The following ITPR1 variants were observed in gnomAD, a reference collection of about 807,000 sequenced individuals.
The protein encoded by ITPR1 is inositol 1,4,5-trisphosphate-gated calcium channel ITPR1.
A neutral mutation model predicts 318.4 loss-of-function variants in ITPR1; 96 were observed. That is an observed-to-expected ratio of 0.30 (90% CI 0.26 to 0.36). The LOEUF (loss-of-function observed/expected upper bound fraction) is 0.36. Ranked by LOEUF, ITPR1 falls within the 10% of genes least tolerant of loss-of-function variation. ITPR1 has a pLI of 1.00. For synonymous variants in ITPR1, 1,312 were observed against 1,289.9 expected (o/e 1.02, Z -0.37); for missense variants, 2,440 against 3,460.2 (o/e 0.71, Z 7.40).
At chr3:4,719,098 T>G (rs1301413606) in intron 40 of ITPR1, among the ~76,000 whole-genome samples, 2 of 152,220 alleles carry the variant, frequency 1.3e-5, no homozygotes. Flanking sequence ...TTGGGTCTCC[T>G]GGCTGGGAGT....
intron 4 of ITPR1, among the ~76,000 whole-genome samples, chr3:4,523,280 G>GT (rs1286310013): frequency 1.3e-5 from 2 of 151,942 alleles, no homozygotes; most frequent in Non-Finnish European, 2.9e-5. Flanking sequence ...GTGGCTATTT[G>GT]TTTTTTACAA....
intron 2 of ITPR1, among the ~76,000 whole-genome samples, chr3:4,502,066 C>T (rs1331342165): frequency 1.3e-5 from 2 of 152,170 alleles, no homozygotes; most frequent in Non-Finnish European, 2.9e-5. Context: ...TAAAAGCATC[C>T]CAAGCACATA....
chr3:4,785,649 G>T (rs1461061746), intron 51 of ITPR1, among the ~76,000 whole-genome samples: 1 of 152,224 alleles, frequency 6.6e-6, no homozygotes, highest in Non-Finnish European at 1.5e-5. Context: ...GCGAGCTTTA[G>T]ATGTCTGTGA....
At chr3:4,526,849 A>T (rs1188333269) in intron 4 of ITPR1, among the ~76,000 whole-genome samples, 1 of 152,336 alleles carries the variant, frequency 6.6e-6, no homozygotes. Flanking sequence ...AGACATTCTC[A>T]AAGAAGTCTA....
intron 42 of ITPR1, among the ~76,000 whole-genome samples, chr3:4,732,761 T>G (rs573081766): frequency 5.9e-4 from 90 of 152,346 alleles, no homozygotes; most frequent in African/African-American, 2.2e-3. Context: ...GCCTTTTCAA[T>G]TTGTCTTAAT....
At chr3:4,827,844 T>A (rs1196520027) in intron 60 of ITPR1, among the ~76,000 whole-genome samples, 2 of 152,186 alleles carry the variant, frequency 1.3e-5, no homozygotes, top group Admixed American at 6.5e-5. Context: ...TGGCCGATGA[T>A]CTCTTTCCCC....
At chr3:4,822,690 A>G (rs751627119) in intron 60 of ITPR1, among the ~76,000 whole-genome samples, 1 of 152,270 alleles carries the variant, frequency 6.6e-6, no homozygotes, top group Middle Eastern at 3.4e-3. Context: ...TTGTCCTTCA[A>G]CTCAAGCACC....
chr3:4,795,253 G>A lies in ITPR1; in HGVS notation c.6931+66G>A, dbSNP rs541643514. On this transcript the variant is annotated intron_variant, in intron 53 of 61. Coordinates refer to ENST00000649015, the MANE Select transcript of ITPR1 (RefSeq NM_001378452.1). ...CAGGAAGGCTAGGACTTGCATCTCA[G>A]TTGTGGTTCCTGGATGTATTGGTGC... 103 of 1,529,050 alleles carry A rather than the reference G, an allele frequency of 6.7e-5. 1 individual carries two copies. In the South Asian group the frequency reaches 1.2e-3, roughly 18 times the overall value. 94.7% of individuals were successfully genotyped at this position (1,529,050 alleles called of 1,614,324 possible). A position where few individuals can be genotyped will look rare whatever the true frequency, so the allele number is the denominator to read the frequency against.
intron 4 of ITPR1, among the ~76,000 whole-genome samples, chr3:4,591,042 G>A (rs918268177): frequency 6.6e-6 from 1 of 152,078 alleles, no homozygotes; most frequent in East Asian, 1.9e-4. Context: ...TCGTGTTCCC[G>A]CAAAAGACAT....
intron 18 of ITPR1, 151 bp from the exon 19 acceptor site, chr3:4,669,503 G>A: frequency 1.7e-6 from 1 of 587,150 alleles, no homozygotes; most frequent in Non-Finnish European, 2.7e-6. Flanking sequence ...GCTTTCTGGT[G>A]ATGCCATAAA....
At chr3:4,675,983 G>C (rs1469587479) in intron 23 of ITPR1, among the ~76,000 whole-genome samples, 1 of 152,086 alleles carries the variant, frequency 6.6e-6, no homozygotes, top group East Asian at 1.9e-4. Context: ...AGCAGCATCA[G>C]GATTTGTACC....
At chr3:4,516,712 A>G (rs1218954956) in intron 3 of ITPR1, 129 bp downstream of exon 3, 15 of 682,876 alleles carry the variant, frequency 2.2e-5, no homozygotes, top group African/African-American at 5.7e-5. Context: ...TTGAAATCAC[A>G]AACACCAAAT....
At chr3:4,524,094 C>T (rs182024308) in intron 4 of ITPR1, among the ~76,000 whole-genome samples, 1 of 152,334 alleles carries the variant, frequency 6.6e-6, no homozygotes, top group East Asian at 1.9e-4. Context: ...AGCTCTGCTG[C>T]AGGCTTTGGG....
chr3:4,746,635 C>T (rs572982307), intron 44 of ITPR1, among the ~76,000 whole-genome samples: 1 of 152,380 alleles, frequency 6.6e-6, no homozygotes, highest in Admixed American at 6.5e-5. Flanking sequence ...GAGACCAAGT[C>T]TGTCTTCACT....
intron 10 of ITPR1, among the ~76,000 whole-genome samples, chr3:4,648,734 C>G (rs544467413): frequency 6.6e-6 from 1 of 152,154 alleles, no homozygotes; most frequent in Non-Finnish European, 1.5e-5. Flanking sequence ...CACTTGAACC[C>G]GGGAGGCGGA....
At position 4,599,586 on chromosome 3, in the gene ITPR1, C is replaced by T. The variant is rs59047120; in HGVS notation, c.164-28177C>T. On this transcript the variant is annotated intron_variant, in intron 4 of 61. Transcript: ENST00000649015. ...TCACCTTACAGTTCTTGAGTGATGG[C>T]TGTAGGCAGTTGGGTTTGTGATGCT... Among the ~76,000 whole-genome samples, 143 of 152,298 alleles carry T rather than the reference C, an allele frequency of 9.4e-4. 1 individual carries two copies. Among genetic ancestry groups the T allele is most frequent in the African/African-American group, 3.3e-3 (136 of 41,552 alleles).
At chr3:4,618,383 T>C (rs1434688364) in intron 4 of ITPR1, among the ~76,000 whole-genome samples, 1 of 152,258 alleles carries the variant, frequency 6.6e-6, no homozygotes, top group African/African-American at 2.4e-5. Flanking sequence ...GAATGTATTT[T>C]AAATAACATT....
chr3:4,685,268 A>C lies in ITPR1; in HGVS notation c.3702+62A>C, dbSNP rs2094373035. 4.0e-6 allele frequency: 6 copies of C among 1,484,324 alleles called. No homozygotes were observed. The East Asian group carries it at 1.4e-4, about 36-fold the overall frequency. 91.9% of individuals were successfully genotyped at this position (1,484,324 alleles called of 1,614,324 possible). On this transcript the variant is annotated intron_variant, in intron 30 of 61. Coordinates refer to ENST00000649015, the MANE Select transcript of ITPR1 (RefSeq NM_001378452.1). ...ATGGGGCGGATCCCTGGGTTTCCCCAAACTCTTCACATCTGGATATTGTTA... is the reference window on the plus strand; with the variant it reads ...ATGGGGCGGATCCCTGGGTTTCCCCCAACTCTTCACATCTGGATATTGTTA...
intron 5 of ITPR1, among the ~76,000 whole-genome samples, chr3:4,635,379 C>T (rs551894489): frequency 2.4e-4 from 36 of 152,020 alleles, no homozygotes; most frequent in South Asian, 2.1e-4. Context: ...CTCACTCTGT[C>T]GCCCAGGCTG....
Sources: allele counts gnomAD v4.1 joint callset (sites outside exome capture counted in the v4.1 genomes callset), GRCh38; gene constraint gnomAD v4.1.1; transcripts MANE v1.5; gene names NCBI Gene and HGNC (gene_info 2026-07-23, HGNC 2026-07-21).